Variants in DLG1 observed in about 807,000 individuals in gnomAD.
The protein encoded by DLG1 is disks large homolog 1.
DLG1 carries 42 observed loss-of-function variants against 123.4 expected under a neutral mutation model. The ratio of observed to expected loss-of-function variants is 0.34; its 90% CI spans 0.27 to 0.44. The LOEUF is 0.44. Ranked by LOEUF, DLG1 falls within the 20% of genes least tolerant of loss-of-function variation. The pLI is 1.00. For synonymous variants in DLG1, 317 were observed against 356.2 expected, an observed-to-expected ratio of 0.89 and a Z score of 1.24; for missense variants, 942 against 1,082.6, an observed-to-expected ratio of 0.87 and a Z score of 1.82.
chr3:197,250,568 C>CAAAAAA (rs201198758), intron 4 of DLG1, among the ~76,000 whole-genome samples: 1 of 72,978 alleles, frequency 1.4e-5, no homozygotes. Context: ...GACTCCGTCT[C>CAAAAAA]AAAAAAAAAA....
Position 197,085,763 on chromosome 3 carries a change from T to G in DLG1, c.1662-7A>C, listed in dbSNP as rs1178763111. The G allele has an allele frequency of 1.2e-6, 2 of 1,601,574 alleles. No individual in the cohort carries two copies. Among genetic ancestry groups the G allele is most frequent in the Non-Finnish European group, 1.7e-6 (2 of 1,176,464 alleles). On this transcript the variant is annotated splice_polypyrimidine_tract_variant and splice_region_variant and intron_variant, in intron 15 of 24. Transcript: ENST00000667157. ...GTCATAATCAAAAAGGGCTCTAGAG[T>G]CAGAAGAAAAAAAGTCCATAATCAC...
chr3:197,189,189 G>A (rs1717823308), intron 5 of DLG1, among the ~76,000 whole-genome samples: 1 of 152,134 alleles, frequency 6.6e-6, no homozygotes, highest in African/African-American at 2.4e-5. Context: ...TACTTTTCAT[G>A]TCCAAAGATT....
intron 5 of DLG1, among the ~76,000 whole-genome samples, chr3:197,192,535 G>A (rs1025191245): frequency 2.0e-5 from 3 of 151,792 alleles, no homozygotes; most frequent in Admixed American, 2.0e-4. Flanking sequence ...GCCACTAACT[G>A]GTAAACAGCC....
chr3:197,160,426 T>G (rs1244463017), intron 5 of DLG1, among the ~76,000 whole-genome samples: 1 of 151,996 alleles, frequency 6.6e-6, no homozygotes, highest in Non-Finnish European at 1.5e-5. Context: ...GTTACATTAT[T>G]ATGATGCCAT....
intron 4 of DLG1, among the ~76,000 whole-genome samples, chr3:197,197,470 A>G (rs1723127977): frequency 6.6e-6 from 1 of 152,242 alleles, no homozygotes; most frequent in South Asian, 2.1e-4. Context: ...ATCTGTTGGT[A>G]TGGTTCACAC....
At position 197,270,141 on chromosome 3, in the gene DLG1, A is replaced by G. The variant is rs112242153; in HGVS notation, c.318+12538T>C. On this transcript the variant is annotated intron_variant, in intron 4 of 24. Transcript: ENST00000667157. ...AAATGGAAACCATCGTTATGCGTGG[A>G]TTCTAGTTCAGGAGCAGTGAAAACT... Among the ~76,000 whole-genome samples, 1,483 of 152,286 alleles carry G rather than the reference A, an allele frequency of 9.7e-3. 19 individuals carry two copies. The highest frequency in any genetic ancestry group is 0.023 in the African/African-American group (956 of 41,544).
At chr3:197,245,042 A>G (rs866119409) in intron 4 of DLG1, among the ~76,000 whole-genome samples, 71 of 152,208 alleles carry the variant, frequency 4.7e-4, no homozygotes, top group African/African-American at 1.5e-3. Context: ...GACCTTTAAT[A>G]AGGCAATAGG....
At chr3:197,267,515 T>A (rs949918899) in intron 4 of DLG1, among the ~76,000 whole-genome samples, 1 of 152,130 alleles carries the variant, frequency 6.6e-6, no homozygotes, top group Non-Finnish European at 1.5e-5. Flanking sequence ...TAGGACCCTA[T>A]AGCATTCCTT....
chr3:197,110,159 G>C (rs975425178), intron 13 of DLG1, among the ~76,000 whole-genome samples: 1 of 152,082 alleles, frequency 6.6e-6, no homozygotes, highest in Admixed American at 6.6e-5. Flanking sequence ...CTCTGAAGCT[G>C]TTAATTTTTC....
chr3:197,282,550 CTATTA>C (rs1769899930), intron 4 of DLG1, 124 bp downstream of exon 4: 1 of 590,584 alleles, frequency 1.7e-6, no homozygotes, highest in South Asian at 6.8e-5. Context: ...TCTCTTTATT[CTATTA>C]TAAATTATAC....
At chr3:197,261,901 G>C (rs1171235945) in intron 4 of DLG1, among the ~76,000 whole-genome samples, 1 of 152,294 alleles carries the variant, frequency 6.6e-6, no homozygotes, top group African/African-American at 2.4e-5. Context: ...AGGGCACTTA[G>C]AATAATGCTG....
intron 4 of DLG1, among the ~76,000 whole-genome samples, chr3:197,266,606 C>T (rs990366631): frequency 6.6e-6 from 1 of 151,972 alleles, no homozygotes; most frequent in Non-Finnish European, 1.5e-5. Context: ...CAGCAAGACC[C>T]TGTCTCCAAA....
At chr3:197,195,067 C>T (rs1225623769) in intron 4 of DLG1, among the ~76,000 whole-genome samples, 5 of 151,744 alleles carry the variant, frequency 3.3e-5, no homozygotes, top group South Asian at 2.1e-4. Context: ...CACACACACA[C>T]CTCTATGCAA....
At position 197,211,247 on chromosome 3, in the gene DLG1, T is replaced by C. The variant is rs1047219938; in HGVS notation, c.319-16658A>G. On this transcript the variant is annotated intron_variant, in intron 4 of 24. Coordinates refer to ENST00000667157, the MANE Select transcript of DLG1 (RefSeq NM_001366207.1). The stretch of plus-strand genomic sequence containing the variant: ...GCTGGTACCATTTCTACCGAAACTA[T>C]TCCAAAAAAATTAAAGAGGCTGAAC... 1.1e-4 allele frequency among the ~76,000 whole-genome samples: 16 copies of C among 145,900 alleles called. 3 individuals are homozygous for C. Among genetic ancestry groups the C allele is most frequent in the Non-Finnish European group, 1.5e-5 (1 of 65,016 alleles).
intron 24 of DLG1, 98 bp downstream of exon 24, chr3:197,051,479 G>T: frequency 2.3e-6 from 2 of 882,652 alleles, no homozygotes; most frequent in South Asian, 1.5e-5. Context: ...ACTACGGGTA[G>T]ATGTAGGCAT....
chr3:197,090,076 T>C (rs1756896807), intron 15 of DLG1, among the ~76,000 whole-genome samples: 1 of 152,218 alleles, frequency 6.6e-6, no homozygotes, highest in Admixed American at 6.5e-5. Context: ...TACATGTTTA[T>C]ATATGTAACA....
At chr3:197,124,336 G>A (rs1039398020) in intron 11 of DLG1, among the ~76,000 whole-genome samples, 3 of 151,206 alleles carry the variant, frequency 2.0e-5, no homozygotes, top group African/African-American at 4.9e-5. Flanking sequence ...CTACAGTGGC[G>A]CGATCTCAGC....
At chr3:197,066,148 AAAG>A (rs1739393113) in intron 20 of DLG1, among the ~76,000 whole-genome samples, 1 of 152,218 alleles carries the variant, frequency 6.6e-6, no homozygotes. Context: ...GAAGCAGAGC[AAAG>A]AAGGGCAGAA....
intron 5 of DLG1, among the ~76,000 whole-genome samples, chr3:197,158,126 A>G (rs1167986059): frequency 2.6e-5 from 4 of 152,170 alleles, no homozygotes; most frequent in Admixed American, 6.5e-5. Flanking sequence ...ATGGTCAAGG[A>G]ACTCATACAG....
Sources: allele counts gnomAD v4.1 joint callset (sites outside exome capture counted in the v4.1 genomes callset), GRCh38; gene constraint gnomAD v4.1.1; transcripts MANE v1.5; gene names NCBI Gene and HGNC (gene_info 2026-07-23, HGNC 2026-07-21).